The following GRID2 variants were observed in gnomAD, a reference collection of about 807,000 sequenced individuals.
GRID2 encodes glutamate receptor ionotropic, delta-2.
A neutral mutation model predicts 114.8 loss-of-function variants in GRID2; 33 were observed. The ratio of observed to expected loss-of-function variants is 0.29; its 90% confidence interval spans 0.22 to 0.38. The LOEUF (loss-of-function observed/expected upper bound fraction) is 0.38, where lower values mean the gene tolerates loss of function less well. GRID2 is among the 10% of genes least tolerant of loss of function. The pLI, the probability that GRID2 is intolerant of heterozygous loss-of-function variation, is 1.00. For missense variants in GRID2, 1,184 were observed against 1,257.7 expected, an observed-to-expected ratio of 0.94 and a Z score of 0.89; for synonymous variants, 505 against 449.9, an observed-to-expected ratio of 1.12 and a Z score of -1.55.
At chr4:92,354,012 A>G (rs1224497418) in intron 1 of GRID2, among the ~76,000 whole-genome samples, 1 of 152,008 alleles carries the variant, frequency 6.6e-6, no homozygotes, top group Non-Finnish European at 1.5e-5. Flanking sequence ...AAACTTTTCC[A>G]ATGTGAGTTC....
chr4:93,272,873 T>C (rs1381861817), intron 8 of GRID2, among the ~76,000 whole-genome samples: 5 of 152,166 alleles, frequency 3.3e-5, no homozygotes, highest in African/African-American at 9.7e-5. Flanking sequence ...TTAGGTCACA[T>C]TGGTGCAATC....
intron 8 of GRID2, among the ~76,000 whole-genome samples, chr4:93,251,952 ATGT>A (rs1748987953): frequency 6.6e-6 from 1 of 152,148 alleles, no homozygotes; most frequent in Non-Finnish European, 1.5e-5. Flanking sequence ...ACAAGTGTGC[ATGT>A]CTTTAAAATA....
intron 8 of GRID2, among the ~76,000 whole-genome samples, chr4:93,345,922 C>T (rs1448002141): frequency 6.6e-6 from 1 of 151,982 alleles, no homozygotes; most frequent in Non-Finnish European, 1.5e-5. Context: ...ATTTTGTGTA[C>T]TTGGCAACTT....
intron 1 of GRID2, among the ~76,000 whole-genome samples, chr4:92,354,853 T>A (rs1015651692): frequency 6.6e-6 from 1 of 151,986 alleles, no homozygotes; most frequent in East Asian, 1.9e-4. Context: ...AGGGGACTTA[T>A]AGGTCAATGA....
intron 9 of GRID2, among the ~76,000 whole-genome samples, chr4:93,407,523 A>G (rs867312343): frequency 3.0e-4 from 46 of 152,292 alleles, no homozygotes; most frequent in African/African-American, 1.0e-3. Flanking sequence ...ACTTCCAAGT[A>G]TTATGTTAGC....
intron 14 of GRID2, among the ~76,000 whole-genome samples, chr4:93,752,360 TTTTA>T (rs58427324): frequency 6.7e-5 from 10 of 149,154 alleles, no homozygotes; most frequent in Non-Finnish European, 5.9e-5. Flanking sequence ...CATACTGTTC[TTTTA>T]TTTATTTATT....
chr4:92,593,767 A>AT (rs1223710338), intron 2 of GRID2, among the ~76,000 whole-genome samples: 1 of 151,326 alleles, frequency 6.6e-6, no homozygotes, highest in African/African-American at 2.4e-5. Flanking sequence ...TTGATAAGCC[A>AT]TTTTTCATCT....
chr4:93,068,474 C>G (rs1421992059), intron 2 of GRID2, among the ~76,000 whole-genome samples: 1 of 152,060 alleles, frequency 6.6e-6, no homozygotes. Flanking sequence ...ATTGGAACAT[C>G]TAACTCTCGT....
chr4:92,391,869 G>T (rs957195899), intron 1 of GRID2, among the ~76,000 whole-genome samples: 3 of 152,128 alleles, frequency 2.0e-5, no homozygotes, highest in African/African-American at 7.2e-5. Context: ...TCCCATTACA[G>T]TGTTTTCTTT....
chr4:93,339,985 C>T (rs540906414), intron 8 of GRID2, among the ~76,000 whole-genome samples: 2 of 152,252 alleles, frequency 1.3e-5, no homozygotes, highest in African/African-American at 4.8e-5. Context: ...TGGCCTTTCC[C>T]TTGACAAGTG....
intron 3 of GRID2, among the ~76,000 whole-genome samples, chr4:93,090,164 A>G (rs1560867861): frequency 6.6e-6 from 1 of 152,132 alleles, no homozygotes; most frequent in Non-Finnish European, 1.5e-5. Flanking sequence ...ATTGCGATCA[A>G]ATCCATTCAG....
At chr4:93,114,390 C>T (rs973198471) in intron 4 of GRID2, among the ~76,000 whole-genome samples, 1 of 152,084 alleles carries the variant, frequency 6.6e-6, no homozygotes, top group Non-Finnish European at 1.5e-5. Context: ...ATAATGTATC[C>T]CTTCCATCTT....
chr4:92,338,169 G>A (rs137918017), intron 1 of GRID2, among the ~76,000 whole-genome samples: 1,703 of 152,164 alleles, frequency 0.011, 21 homozygotes, highest in African/African-American at 0.038. Context: ...AAAAACAAAA[G>A]CACAATAAGG....
chr4:92,924,071 A>G (rs922662754), intron 2 of GRID2, among the ~76,000 whole-genome samples: 3 of 152,196 alleles, frequency 2.0e-5, no homozygotes, highest in Non-Finnish European at 4.4e-5. Flanking sequence ...ATGCAGCCAT[A>G]AAAAAGGATA....
At chr4:92,671,371 G>A (rs902522347) in intron 2 of GRID2, among the ~76,000 whole-genome samples, 6 of 152,052 alleles carry the variant, frequency 3.9e-5, no homozygotes, top group African/African-American at 1.4e-4. Flanking sequence ...TGGGGACAGA[G>A]AGCCAAACCA....
At chr4:92,932,861 T>C (rs1750354390) in intron 2 of GRID2, among the ~76,000 whole-genome samples, 1 of 151,318 alleles carries the variant, frequency 6.6e-6, no homozygotes, top group Non-Finnish European at 1.5e-5. Flanking sequence ...ATCTGATTTA[T>C]ACGGAATTTG....
intron 2 of GRID2, among the ~76,000 whole-genome samples, chr4:92,691,731 A>G (rs1321056631): frequency 2.0e-5 from 3 of 152,220 alleles, no homozygotes; most frequent in Non-Finnish European, 4.4e-5. Context: ...CATCCTGGGA[A>G]ACTTTTTATT....
At chr4:92,349,964 A>G (rs1197549080) in intron 1 of GRID2, among the ~76,000 whole-genome samples, 1 of 151,944 alleles carries the variant, frequency 6.6e-6, no homozygotes, top group South Asian at 2.1e-4. Context: ...CTGAAAAAGT[A>G]GCATTCTCCC....
chr4:93,099,030 T>C (rs1025283293), intron 3 of GRID2, among the ~76,000 whole-genome samples: 53 of 149,496 alleles, frequency 3.5e-4, no homozygotes, highest in African/African-American at 1.1e-3. Context: ...TGTGTGTGTA[T>C]GATACACATA....
Sources: allele counts gnomAD v4.1 joint callset (sites outside exome capture counted in the v4.1 genomes callset), GRCh38; gene constraint gnomAD v4.1.1; transcripts MANE v1.5; gene names NCBI Gene and HGNC (gene_info 2026-07-23, HGNC 2026-07-21).